The following MAGI2 variants were observed in gnomAD, a reference collection of about 807,000 sequenced individuals.
MAGI2 encodes the protein membrane-associated guanylate kinase, WW and PDZ domain-containing protein 2.
MAGI2 carries 35 observed loss-of-function variants against 133.3 expected under a neutral mutation model. That is an observed-to-expected ratio of 0.26 (90% CI 0.20 to 0.35). The LOEUF (loss-of-function observed/expected upper bound fraction) is 0.35. MAGI2 is among the 10% of genes least tolerant of loss of function. MAGI2 has a pLI of 1.00. For missense variants in MAGI2, 1,636 were observed against 1,863.4 expected (o/e 0.88, Z 2.25); for synonymous variants, 729 against 710.6 (o/e 1.03, Z -0.41).
Position 78,186,758 on chromosome 7 carries a change from A to T in MAGI2, c.2270-1088T>A, listed in dbSNP as rs974860754. Among the ~76,000 whole-genome samples, 3 of 152,134 alleles carry T rather than the reference A, an allele frequency of 2.0e-5. No homozygotes were observed. The East Asian group carries it at 5.8e-4, about 29-fold the overall frequency. ...CATACTTATTATATCTAAGTTTTAA[A>T]CTTAATTAGAATGCATTATCCAATA... On this transcript the variant is annotated intron_variant, in intron 12 of 21. Transcript: ENST00000354212.
intron 2 of MAGI2, among the ~76,000 whole-genome samples, chr7:78,676,772 A>G (rs1360000874): frequency 6.6e-6 from 1 of 152,112 alleles, no homozygotes; most frequent in Non-Finnish European, 1.5e-5. Context: ...ATGAACGTGG[A>G]TATTATACTA....
intron 2 of MAGI2, among the ~76,000 whole-genome samples, chr7:78,898,935 T>A (rs1044607747): frequency 1.3e-5 from 2 of 152,184 alleles, no homozygotes; most frequent in Middle Eastern, 6.3e-3. Flanking sequence ...TAATAATATG[T>A]TATTGCACGT....
chr7:78,856,767 A>G (rs1793678468), intron 2 of MAGI2, among the ~76,000 whole-genome samples: 1 of 152,142 alleles, frequency 6.6e-6, no homozygotes, highest in Non-Finnish European at 1.5e-5. Flanking sequence ...ACTTTAAAGT[A>G]GTTTTTTCCA....
At chr7:79,214,983 G>T (rs115464696) in intron 1 of MAGI2, among the ~76,000 whole-genome samples, 3,881 of 149,500 alleles carry the variant, frequency 0.026, 78 homozygotes, top group Middle Eastern at 0.042. Context: ...TTACAAGTAC[G>T]TTTGTACACA....
rs1821181975 is a variant in MAGI2 at position 78,128,098 on chromosome 7, A to G, written c.3204-682T>C. Among the ~76,000 whole-genome samples, 3 of 152,180 alleles carry G rather than the reference A, an allele frequency of 2.0e-5. No individual in the cohort carries two copies. The South Asian group carries it at 6.2e-4, about 32-fold the overall frequency. ...GCTATCAAGATTAGCATCAAATACT[A>G]CTGTGGTCATAAGATGGAAGAGAAG... is the stretch of plus-strand genomic sequence containing the variant. On this transcript the variant is annotated intron_variant, in intron 18 of 21. Coordinates refer to ENST00000354212, the MANE Select transcript of MAGI2 (RefSeq NM_012301.4).
intron 6 of MAGI2, among the ~76,000 whole-genome samples, chr7:78,414,331 A>G (rs1300679177): frequency 6.6e-6 from 1 of 152,036 alleles, no homozygotes; most frequent in Admixed American, 6.6e-5. Context: ...AGAATATCAG[A>G]CAGAATATCC....
At chr7:78,883,666 T>G (rs1394895776) in intron 2 of MAGI2, among the ~76,000 whole-genome samples, 1 of 151,744 alleles carries the variant, frequency 6.6e-6, no homozygotes, top group Non-Finnish European at 1.5e-5. Context: ...TTGATAAAAA[T>G]CAGACAACAC....
At chr7:78,035,527 A>G (rs1161609583) in intron 21 of MAGI2, among the ~76,000 whole-genome samples, 1 of 152,106 alleles carries the variant, frequency 6.6e-6, no homozygotes, top group Non-Finnish European at 1.5e-5. Flanking sequence ...TAATCTCTCT[A>G]TATAATCAGT....
intron 6 of MAGI2, among the ~76,000 whole-genome samples, chr7:78,440,824 G>A (rs549025429): frequency 3.9e-4 from 60 of 152,128 alleles, no homozygotes; most frequent in African/African-American, 1.3e-3. Flanking sequence ...GTGGTAGTGG[G>A]TGCCTGTAGT....
chr7:78,498,349 T>C (rs569945676), intron 5 of MAGI2, among the ~76,000 whole-genome samples: 3 of 152,290 alleles, frequency 2.0e-5, no homozygotes, highest in Admixed American at 6.5e-5. Context: ...CCCCAATCAC[T>C]GTCTCGTATT....
intron 2 of MAGI2, among the ~76,000 whole-genome samples, chr7:78,923,174 C>T (rs1032357670): frequency 2.8e-4 from 42 of 152,112 alleles, no homozygotes; most frequent in Admixed American, 5.9e-4. Context: ...GTTTCTTTTG[C>T]TGTGCAGAAG....
At chr7:79,305,696 C>G (rs1191801057) in intron 1 of MAGI2, among the ~76,000 whole-genome samples, 2 of 152,014 alleles carry the variant, frequency 1.3e-5, no homozygotes, top group Non-Finnish European at 2.9e-5. Context: ...GATTGCTTGA[C>G]CAGGAATTTG....
At chr7:78,821,868 T>C (rs1790153217) in intron 2 of MAGI2, among the ~76,000 whole-genome samples, 1 of 151,608 alleles carries the variant, frequency 6.6e-6, no homozygotes, top group African/African-American at 2.4e-5. Flanking sequence ...ATTTTTTTCA[T>C]AAAAGAAAGG....
chr7:79,107,723 C>T (rs1258015410), intron 1 of MAGI2, among the ~76,000 whole-genome samples: 1 of 152,192 alleles, frequency 6.6e-6, no homozygotes, highest in Non-Finnish European at 1.5e-5. Context: ...TTCATATTAA[C>T]AAGTCAGACC....
chr7:78,256,909 A>T (rs955086358), intron 9 of MAGI2, among the ~76,000 whole-genome samples: 2 of 152,176 alleles, frequency 1.3e-5, no homozygotes, highest in Admixed American at 1.3e-4. Flanking sequence ...TTTTCATCTT[A>T]TATTCCATCT....
At chr7:78,231,896 A>T (rs1302611141) in intron 10 of MAGI2, among the ~76,000 whole-genome samples, 3 of 151,758 alleles carry the variant, frequency 2.0e-5, no homozygotes, top group Non-Finnish European at 4.4e-5. Flanking sequence ...TTACAAGTAT[A>T]TTTTTAAGGA....
intron 10 of MAGI2, 136 bp downstream of exon 10, chr7:78,255,807 C>T: frequency 2.4e-6 from 2 of 846,354 alleles, no homozygotes; most frequent in African/African-American, 1.7e-5. Context: ...TCATGTTTTT[C>T]TCTCTCACTC....
At chr7:78,511,850 C>T (rs1362082396) in intron 4 of MAGI2, among the ~76,000 whole-genome samples, 1 of 151,328 alleles carries the variant, frequency 6.6e-6, no homozygotes, top group African/African-American at 2.4e-5. Flanking sequence ...AATCCCAGCA[C>T]TTTGGGAGGC....
chr7:78,304,815 T>G (rs1227753512), intron 9 of MAGI2, among the ~76,000 whole-genome samples: 2 of 152,060 alleles, frequency 1.3e-5, no homozygotes, highest in Non-Finnish European at 2.9e-5. Flanking sequence ...ACAGAGATCT[T>G]AAAGAGTGAG....
Sources: allele counts gnomAD v4.1 joint callset (sites outside exome capture counted in the v4.1 genomes callset), GRCh38; gene constraint gnomAD v4.1.1; transcripts MANE v1.5; gene names NCBI Gene and HGNC (gene_info 2026-07-23, HGNC 2026-07-21).